Variants in DOCK7 observed in about 807,000 individuals in gnomAD.
The protein encoded by DOCK7 is dedicator of cytokinesis 7.
DOCK7 carries 138 observed loss-of-function variants against 271.0 expected under a neutral mutation model. The ratio of observed to expected loss-of-function variants is 0.51; its 90% confidence interval spans 0.44 to 0.59. The LOEUF (loss-of-function observed/expected upper bound fraction) is 0.59. Ranked by LOEUF, DOCK7 falls within the 20% of genes least tolerant of loss-of-function variation. The pLI, the probability that DOCK7 is intolerant of heterozygous loss-of-function variation, is 0.00. For missense variants in DOCK7, 2,066 were observed against 2,592.4 expected (o/e 0.80, Z 4.41); for synonymous variants, 823 against 876.1 (o/e 0.94, Z 1.07).
At chr1:62,525,069 G>A (rs1015848889) in intron 31 of DOCK7, among the ~76,000 whole-genome samples, 3 of 150,758 alleles carry the variant, frequency 2.0e-5, no homozygotes, top group Admixed American at 6.6e-5. Flanking sequence ...GCAGTGGCGC[G>A]ATCTAGGCTT....
chr1:62,535,406 T>A, intron 29 of DOCK7, 87 bp downstream of exon 29: 1 of 1,167,096 alleles, frequency 8.6e-7, no homozygotes, highest in South Asian at 1.6e-5. Context: ...ATTATTCTCC[T>A]AATCCTCAGG....
In DOCK7 at chr1:62,688,271, TGCGGCGACGGCGACG is replaced by T; in HGVS notation, c.-22_-8del. ...AGGCGCGGCGCTCGGCCATGGCTGCTGCGGCGACGGCGACGGCGGCGGCGGCTGCGGCGGGCCGGG... is the reference window on the plus strand; with the variant it reads ...AGGCGCGGCGCTCGGCCATGGCTGCTGCGGCGGCGGCTGCGGCGGGCCGGG... On this transcript the variant is annotated 5_prime_UTR_variant, in exon 1 of 50. Transcript: ENST00000635253. 7.7e-7 allele frequency: 1 copy of T among 1,304,806 alleles called. No homozygotes were observed. The highest frequency in any genetic ancestry group is 2.2e-5 in the South Asian group (1 of 45,716). The allele number at this position is 1,304,806 out of a possible 1,614,324, so 80.8% of individuals were successfully genotyped here.
At chr1:62,604,513 A>T in intron 14 of DOCK7, 1 of 1,075,230 alleles carries the variant, frequency 9.3e-7, no homozygotes, top group South Asian at 1.4e-5. Flanking sequence ...TAAAACTGGG[A>T]TACATGCATC....
intron 49 of DOCK7, among the ~76,000 whole-genome samples, chr1:62,456,009 A>C (rs1434450570): frequency 6.6e-6 from 1 of 152,216 alleles, no homozygotes; most frequent in Non-Finnish European, 1.5e-5. Flanking sequence ...GATCTGCAAG[A>C]AGCTTTAGGA....
chr1:62,487,295 G>A (rs999934392), intron 43 of DOCK7, 103 bp downstream of exon 43: 9 of 1,101,482 alleles, frequency 8.2e-6, no homozygotes, highest in African/African-American at 1.6e-5. Flanking sequence ...ATAGCAGATA[G>A]CAACAGAATG....
At chr1:62,567,982 C>T (rs2149458096) in intron 18 of DOCK7, among the ~76,000 whole-genome samples, 1 of 152,226 alleles carries the variant, frequency 6.6e-6, no homozygotes, top group African/African-American at 2.4e-5. Context: ...TGCATTTAGT[C>T]TAAAACTGAT....
chr1:62,553,371 T>A (rs1216995678), intron 21 of DOCK7, among the ~76,000 whole-genome samples: 773 of 7,512 alleles, frequency 0.1, no homozygotes, highest in Non-Finnish European at 0.13. Context: ...TTTTTTTTTT[T>A]TTTTTTTTTT....
chr1:62,542,855 G>A (rs1245112969), intron 24 of DOCK7, 152 bp from the exon 25 acceptor site: 1 of 580,528 alleles, frequency 1.7e-6, no homozygotes, highest in Non-Finnish European at 3.0e-6. Flanking sequence ...ACCCATTAAC[G>A]AAACGGCTAT....
chr1:62,596,995 G>A (rs936213916), intron 14 of DOCK7, among the ~76,000 whole-genome samples: 8 of 152,078 alleles, frequency 5.3e-5, no homozygotes, highest in Non-Finnish European at 1.0e-4. Context: ...AAAAAATGAG[G>A]AGCATATAAT....
At chr1:62,571,324 G>C (rs1394579505) in intron 18 of DOCK7, among the ~76,000 whole-genome samples, 5 of 152,130 alleles carry the variant, frequency 3.3e-5, no homozygotes, top group African/African-American at 1.2e-4. Flanking sequence ...CTGATCATCA[G>C]ATAAATGCAA....
At chr1:62,653,865 A>G (rs143944018) in intron 3 of DOCK7, 72 bp from the exon 4 acceptor site, 26 of 1,469,410 alleles carry the variant, frequency 1.8e-5, no homozygotes, top group Non-Finnish European at 2.3e-5. Context: ...TGGTTGCTAC[A>G]ATCGCTGTTT....
Position 62,623,673 on chromosome 1 carries a change from G to A in DOCK7, c.1425+1586C>T, listed in dbSNP as rs568449321. On this transcript the variant is annotated intron_variant, in intron 12 of 49. Coordinates refer to ENST00000635253, the MANE Select transcript of DOCK7 (RefSeq NM_001367561.1). ...AACATACCTGCAAGGTTGTGTCACT[G>A]TAGCAAATCTATTACCCCATTTCCT... Among the ~76,000 whole-genome samples, 7 of 152,348 alleles carry A rather than the reference G, an allele frequency of 4.6e-5. 1 individual carries two copies. In the East Asian group the frequency reaches 1.2e-3, roughly 25 times the overall value.
At chr1:62,636,186 A>G (rs1655249152) in intron 8 of DOCK7, among the ~76,000 whole-genome samples, 1 of 152,296 alleles carries the variant, frequency 6.6e-6, no homozygotes, top group East Asian at 1.9e-4. Flanking sequence ...TGGGAGGCGG[A>G]GCTTGCGCTG....
At chr1:62,619,653 G>C (rs1652894808) in intron 13 of DOCK7, among the ~76,000 whole-genome samples, 1 of 152,100 alleles carries the variant, frequency 6.6e-6, no homozygotes, top group African/African-American at 2.4e-5. Flanking sequence ...ACAGGTAACT[G>C]AAACTACGGA....
intron 18 of DOCK7, among the ~76,000 whole-genome samples, chr1:62,570,465 T>C (rs997577742): frequency 1.3e-5 from 2 of 152,100 alleles, no homozygotes; most frequent in African/African-American, 2.4e-5. Context: ...ATCGTGAAAA[T>C]GGCCATACTG....
rs940807070 is a variant in DOCK7, at chr1:62,559,105, C to T, written c.2315G>A (p.Ser772Asn). ...GGATGAATTCAGTGCTGAAATACTG[C>T]TCTTCAATTCATTTTCTAAGTTATT... ...MENNLENELK[S>N]SISALNSSQL... The change falls in exon 20 of 50, where the codon AGC becomes AAC. Residue 772 changes from serine to asparagine, a missense_variant. Ser to Asn is a conservative substitution (Grantham distance 46). This residue lies in a region of DOCK7 where 1,414 missense variants were observed against 1,670.4 expected (regional missense o/e 0.85). Transcript: ENST00000635253. 1.9e-6 allele frequency: 3 copies of T among 1,613,738 alleles called. No individual in the cohort carries two copies. The highest frequency in any genetic ancestry group is 2.5e-6 in the Non-Finnish European group (3 of 1,179,914).
At chr1:62,490,732 T>C (rs139836414) in intron 41 of DOCK7, among the ~76,000 whole-genome samples, 20 of 152,324 alleles carry the variant, frequency 1.3e-4, no homozygotes, top group African/African-American at 4.8e-4. Flanking sequence ...TGCACTATTG[T>C]GAATTATTAA....
intron 22 of DOCK7, among the ~76,000 whole-genome samples, chr1:62,546,060 G>T (rs1455306386): frequency 6.6e-6 from 1 of 152,082 alleles, no homozygotes; most frequent in Non-Finnish European, 1.5e-5. Flanking sequence ...AAACATATCA[G>T]GACATGAGTA....
At position 62,553,196 on chromosome 1, in the gene DOCK7, G is replaced by A. The variant is rs1296736960; in HGVS notation, c.2597-295C>T. ...ACTACAGGTGCGTGCCACCACGCCC[G>A]GCTAATTTTTGTATTTTTAGTAGAG... On this transcript the variant is annotated intron_variant, in intron 21 of 49. Coordinates refer to ENST00000635253, the MANE Select transcript of DOCK7 (RefSeq NM_001367561.1). Among the ~76,000 whole-genome samples the A allele has an allele frequency of 2.4e-4, 36 of 147,528 alleles. No individual in the cohort carries two copies. The South Asian group carries it at 6.9e-3, about 28-fold the overall frequency.
Sources: gnomAD v4.1 joint callset for allele counts (sites outside exome capture counted in the v4.1 genomes callset) on GRCh38, gnomAD v4.1.1 for gene constraint, gnomAD v4.1.1 regional missense constraint, MANE v1.5 for transcripts, NCBI Gene and HGNC (gene_info 2026-07-23, HGNC 2026-07-21) for gene names.